AGO1: variants seen among roughly 807,000 people sequenced by gnomAD.
AGO1 encodes argonaute RISC component 1, also known as protein argonaute-1.
In AGO1, 11 loss-of-function variants were observed where a neutral mutation model predicts 109.2. The ratio of observed to expected loss-of-function variants is 0.10; its 90% CI spans 0.06 to 0.17. AGO1 has a LOEUF of 0.17. Ranked by LOEUF, AGO1 falls within the 10% of genes least tolerant of loss-of-function variation. The probability of loss-of-function intolerance (pLI) is 1.00; values close to 1 mark genes in which losing one functional copy is unlikely to be tolerated. For synonymous variants in AGO1, 422 were observed against 418.6 expected (o/e 1.01, Z -0.10); for missense variants, 574 against 1,140.3 (o/e 0.50, Z 7.15).
intron 12 of AGO1, among the ~76,000 whole-genome samples, chr1:35,912,251 C>T (rs954214425): frequency 1.5e-4 from 22 of 150,114 alleles, no homozygotes; most frequent in African/African-American, 5.4e-4. Context: ...CCCAGCTACT[C>T]AGGAGGCTGA....
chr1:35,879,579 G>A (rs34252592), upstream of AGO1, among the ~76,000 whole-genome samples: 9,681 of 151,236 alleles, frequency 0.064, 1,028 homozygotes, highest in African/African-American at 0.22. Context: ...CCAACATGGC[G>A]CAAAAATTAG....
At chr1:35,918,630 C>T (rs181251559) in intron 17 of AGO1, among the ~76,000 whole-genome samples, 1 of 152,330 alleles carries the variant, frequency 6.6e-6, no homozygotes, top group East Asian at 1.9e-4. Context: ...TAACTGCAAC[C>T]TCCACCTTCT....
Position 35,928,328 on chromosome 1 carries a change from TG to T in AGO1, c.*8723del, listed in dbSNP as rs1449640571. The T allele has an allele frequency of 1.3e-5, 2 of 152,312 alleles. No individual in the cohort carries two copies. Among genetic ancestry groups the T allele is most frequent in the Non-Finnish European group, 2.9e-5 (2 of 68,096 alleles). 9.4% of individuals were successfully genotyped at this position (152,312 alleles called of 1,614,324 possible). ...CAGTGTCTCACTCTGTCACCCAGGCTGGAGTGCAGTCTCATGATCGCGGCTC... is the reference window on the plus strand; with the variant it reads ...CAGTGTCTCACTCTGTCACCCAGGCTGAGTGCAGTCTCATGATCGCGGCTC... On this transcript the variant is annotated 3_prime_UTR_variant, in exon 19 of 19. Transcript: ENST00000373204.
At chr1:35,871,333 A>C (rs1644949606) in intron 1 of AGO1, among the ~76,000 whole-genome samples, 1 of 144,936 alleles carries the variant, frequency 6.9e-6, no homozygotes, top group Non-Finnish European at 1.5e-5. Context: ...GTCGCCCGAG[A>C]TCAGGAGTTC....
upstream of AGO1, among the ~76,000 whole-genome samples, chr1:35,881,569 G>T (rs1046386440): frequency 6.6e-6 from 1 of 152,122 alleles, no homozygotes; most frequent in Non-Finnish European, 1.5e-5. Flanking sequence ...TGATCCACCC[G>T]CCTTGGCCTC....
Position 35,888,790 on chromosome 1 carries a change from G to A in AGO1, c.209+180G>A, listed in dbSNP as rs1571343284. On this transcript the variant is annotated intron_variant, in intron 2 of 18. Transcript: ENST00000373204. This position sits in a 1 kb window ranked among gnomAD's most constrained non-coding sequence, Gnocchi z 4.1. ...GTCCAATTGGACTTCGCTATTGGAAGATTATTAGTGGCTTTTGCCAGAGCA... is the reference window on the plus strand; with the variant it reads ...GTCCAATTGGACTTCGCTATTGGAAAATTATTAGTGGCTTTTGCCAGAGCA... Among the ~76,000 whole-genome samples the A allele has an allele frequency of 6.6e-6, 1 of 152,266 alleles. No homozygotes were observed. The highest frequency in any genetic ancestry group is 2.1e-4 in the South Asian group (1 of 4,830).
upstream of AGO1, among the ~76,000 whole-genome samples, chr1:35,878,523 T>C (rs768146099): frequency 2.0e-5 from 3 of 152,214 alleles, no homozygotes; most frequent in Non-Finnish European, 4.4e-5. Flanking sequence ...CATCCTTGTA[T>C]CTTTGAATTT....
At chr1:35,897,903 T>C (rs190786698) in intron 8 of AGO1, among the ~76,000 whole-genome samples, 1 of 152,350 alleles carries the variant, frequency 6.6e-6, no homozygotes, top group Admixed American at 6.5e-5. Flanking sequence ...TTAGCAGTTA[T>C]GCACCATTCG....
chr1:35,907,388 G>A (rs1306999945), intron 12 of AGO1, among the ~76,000 whole-genome samples: 1 of 152,094 alleles, frequency 6.6e-6, no homozygotes, highest in Non-Finnish European at 1.5e-5. Flanking sequence ...CAGGTACAGA[G>A]ACGGGTTGGT....
intron 1 of AGO1, among the ~76,000 whole-genome samples, chr1:35,886,369 G>A (rs796822322): frequency 1.1e-4 from 17 of 152,276 alleles, no homozygotes; most frequent in African/African-American, 4.1e-4. Context: ...AGAGGTTCCT[G>A]CTTCCTGCTG....
intron 1 of AGO1, among the ~76,000 whole-genome samples, chr1:35,875,914 T>TA (rs1333363310): frequency 6.6e-6 from 1 of 152,232 alleles, no homozygotes; most frequent in Non-Finnish European, 1.5e-5. Flanking sequence ...TTTCAACTTT[T>TA]AAGTCATTAT....
At chr1:35,871,272 G>A (rs889084363) in intron 1 of AGO1, among the ~76,000 whole-genome samples, 4 of 152,134 alleles carry the variant, frequency 2.6e-5, no homozygotes, top group Admixed American at 2.0e-4. Flanking sequence ...TAGGCTGGGC[G>A]AGGTGGCTCA....
At chr1:35,883,146 C>T (rs565367032), upstream of AGO1, 362 of 1,121,270 alleles carry the variant, frequency 3.2e-4, 1 homozygote, top group African/African-American at 5.4e-3. This position sits in a 1 kb window ranked among gnomAD's most constrained non-coding sequence, Gnocchi z 5.4. Context: ...CCTTTGTTGC[C>T]GTCGGAGCGC....
chr1:35,894,416 G>C lies in AGO1; in HGVS notation c.872+14G>C. 1 of 1,613,360 alleles carries C rather than the reference G, an allele frequency of 6.2e-7. No homozygotes were observed. On this transcript the variant is annotated intron_variant, in intron 7 of 18. Transcript: ENST00000373204. ...TAGCCATCAGACGTAAGTTGGCAGG[G>C]GTGCTGAGTCATACTTTGTTGGTGG...
chr1:35,919,638 A>G lies in AGO1; in HGVS notation c.*31A>G. 1.3e-6 allele frequency: 2 copies of G among 1,589,894 alleles called. No individual in the cohort carries two copies. Among genetic ancestry groups the G allele is most frequent in the Non-Finnish European group, 1.7e-6 (2 of 1,162,914 alleles). On this transcript the variant is annotated 3_prime_UTR_variant, in exon 19 of 19. Transcript: ENST00000373204. The surrounding 1 kb of genome is among the most constrained non-coding windows in gnomAD (Gnocchi z 6.6). ...GAACGCTGTTACCTCACTGGATAGAAGAAAGCTTTCCAAGCCCCAGGAGCT... is the reference window on the plus strand; with the variant it reads ...GAACGCTGTTACCTCACTGGATAGAGGAAAGCTTTCCAAGCCCCAGGAGCT...
chr1:35,910,028 A>G (rs1645604880), intron 12 of AGO1, among the ~76,000 whole-genome samples: 1 of 151,588 alleles, frequency 6.6e-6, no homozygotes, highest in Non-Finnish European at 1.5e-5. Context: ...TCTAGCCTCA[A>G]ATATTTTATT....
rs1645839412 is a variant in AGO1 at position 35,921,865 on chromosome 1, G to A, written c.*2258G>A. ...CTCTGGGAGGAGGCAGCTCACTGGAGAGCCTACATTCCTTACACAAGTGCC... is the reference window on the plus strand; with the variant it reads ...CTCTGGGAGGAGGCAGCTCACTGGAAAGCCTACATTCCTTACACAAGTGCC... On this transcript the variant is annotated 3_prime_UTR_variant, in exon 19 of 19. Transcript: ENST00000373204. 1 of 152,700 alleles carries A rather than the reference G, an allele frequency of 6.5e-6. No individual in the cohort carries two copies. Among genetic ancestry groups the A allele is most frequent in the South Asian group, 2.1e-4 (1 of 4,834 alleles). 9.5% of individuals were successfully genotyped at this position (152,700 alleles called of 1,614,324 possible). A position where few individuals can be genotyped will look rare whatever the true frequency, so the allele number is the denominator to read the frequency against.
chr1:35,919,352 T>C lies in AGO1; in HGVS notation c.2465+98T>C. The stretch of plus-strand genomic sequence containing the variant: ...GTAGAAGGAAATGAGTGCTGTCCAA[T>C]TTGGTGTCATTGGGCTCGTCTGCCC... On this transcript the variant is annotated intron_variant, in intron 18 of 18. Coordinates refer to ENST00000373204, the MANE Select transcript of AGO1 (RefSeq NM_012199.5). The surrounding 1 kb of genome is among the most constrained non-coding windows in gnomAD (Gnocchi z 6.6). 1 of 1,484,262 alleles carries C rather than the reference T, an allele frequency of 6.7e-7. No homozygotes were observed. 91.9% of individuals were successfully genotyped at this position (1,484,262 alleles called of 1,614,324 possible).
chr1:35,905,415 T>A (rs550026627), intron 11 of AGO1, among the ~76,000 whole-genome samples: 2 of 152,222 alleles, frequency 1.3e-5, no homozygotes, highest in Non-Finnish European at 2.9e-5. Context: ...TTATCCTTTT[T>A]TAAATGTAAA....
Sources: allele counts gnomAD v4.1 joint callset (sites outside exome capture counted in the v4.1 genomes callset), GRCh38; gene constraint gnomAD v4.1.1; non-coding constraint Gnocchi (gnomAD v3.1); transcripts MANE v1.5; gene names NCBI Gene and HGNC (gene_info 2026-07-23, HGNC 2026-07-21).